Variants in FCHSD2 observed in about 807,000 individuals in gnomAD.
FCHSD2 encodes the protein FCH and double SH3 domains 2, also known as F-BAR and double SH3 domains protein 2.
Under a neutral mutation model 108.1 loss-of-function variants are expected in FCHSD2, and 38 were observed. The observed-to-expected ratio is 0.35, with a 90% CI of 0.27 to 0.46. The LOEUF (loss-of-function observed/expected upper bound fraction) is 0.46, where lower values mean the gene tolerates loss of function less well. FCHSD2 is among the 20% of genes least tolerant of loss of function. The pLI is 1.00. For synonymous variants in FCHSD2, 279 were observed against 314.7 expected, an observed-to-expected ratio of 0.89 and a Z score of 1.20; for missense variants, 751 against 897.8, an observed-to-expected ratio of 0.84 and a Z score of 2.09.
At position 72,836,904 on chromosome 11, in the gene FCHSD2, A is replaced by T. The variant is rs1344651320; in HGVS notation, c.*1887T>A. The T allele has an allele frequency of 1.3e-5, 2 of 152,572 alleles. No homozygotes were observed. Among genetic ancestry groups the T allele is most frequent in the Non-Finnish European group, 2.9e-5 (2 of 68,018 alleles). The allele number at this position is 152,572 out of a possible 1,614,324, so 9.5% of individuals were successfully genotyped here. A position where few individuals can be genotyped will look rare whatever the true frequency, so the allele number is the denominator to read the frequency against. On this transcript the variant is annotated 3_prime_UTR_variant, in exon 20 of 20. Transcript: ENST00000409418. ...ATCCTGGATGGAGGGGTTATTTTTT[A>T]AAAAGGAGGCATGTTTTCACAACTT... is the stretch of plus-strand genomic sequence containing the variant.
chr11:72,892,806 A>C (rs1565309280), intron 10 of FCHSD2, among the ~76,000 whole-genome samples: 1 of 151,732 alleles, frequency 6.6e-6, no homozygotes. Context: ...GGGTTTCACC[A>C]TGTTGGCCAG....
chr11:72,917,968 T>C (rs1046748954), intron 9 of FCHSD2, among the ~76,000 whole-genome samples: 7 of 152,152 alleles, frequency 4.6e-5, no homozygotes, highest in African/African-American at 9.7e-5. Context: ...AGGGACTACA[T>C]TGAATCTGTA....
chr11:72,909,990 C>T (rs755443552), intron 9 of FCHSD2, among the ~76,000 whole-genome samples: 3 of 144,606 alleles, frequency 2.1e-5, no homozygotes, highest in Non-Finnish European at 3.0e-5. Flanking sequence ...GCACCTCTGC[C>T]CGGCCGCCCC....
intron 8 of FCHSD2, among the ~76,000 whole-genome samples, chr11:72,943,559 G>T (rs535979353): frequency 6.6e-6 from 1 of 152,202 alleles, no homozygotes; most frequent in Non-Finnish European, 1.5e-5. Context: ...AAATTGAAGA[G>T]AATGACAGGT....
At chr11:73,061,071 C>A in intron 3 of FCHSD2, among the ~76,000 whole-genome samples, 1 of 152,226 alleles carries the variant, frequency 6.6e-6, no homozygotes, top group East Asian at 1.9e-4. Flanking sequence ...GCAAGATCCT[C>A]GCAGAAGGCA....
At chr11:72,862,859 C>T (rs542302276) in intron 13 of FCHSD2, among the ~76,000 whole-genome samples, 11 of 152,216 alleles carry the variant, frequency 7.2e-5, no homozygotes, top group East Asian at 1.9e-4. Flanking sequence ...AGTGCAATAC[C>T]GGCATCAAGC....
chr11:73,115,830 T>C (rs1269885179), intron 2 of FCHSD2, among the ~76,000 whole-genome samples: 1 of 152,202 alleles, frequency 6.6e-6, no homozygotes, highest in Non-Finnish European at 1.5e-5. Context: ...CATATCCACA[T>C]TATTGAGGGT....
rs550767576 is a variant in FCHSD2 at position 73,082,332 on chromosome 11, T to TC, written c.165+1362dup. Among the ~76,000 whole-genome samples the TC allele has an allele frequency of 1.3e-3, 34 of 26,318 alleles. 1 individual carries two copies. Among genetic ancestry groups the TC allele is most frequent in the African/African-American group, 3.6e-3 (29 of 8,010 alleles). The allele number at this position is 26,318 out of a possible 152,430, so 17.3% of individuals were successfully genotyped here. ...AGCCTGGATCACAGAGTGAGACTTG[T>TC]CCCAAAAAAAAAAAAAAAAAAAAAA... On this transcript the variant is annotated intron_variant, in intron 3 of 19. Transcript: ENST00000409418.
intron 3 of FCHSD2, among the ~76,000 whole-genome samples, chr11:73,079,786 G>A (rs1728606246): frequency 6.6e-6 from 1 of 151,952 alleles, no homozygotes; most frequent in African/African-American, 2.4e-5. Context: ...CATCTAAAGG[G>A]CAAATGTGAT....
intron 3 of FCHSD2, among the ~76,000 whole-genome samples, chr11:73,027,979 T>G (rs549115079): frequency 6.6e-6 from 1 of 152,228 alleles, no homozygotes; most frequent in Non-Finnish European, 1.5e-5. Context: ...TTTCAGAGAA[T>G]GTATGGAAAC....
rs546547862 is a variant in FCHSD2, at chr11:73,074,842, T to G, written c.165+8853A>C. 2.0e-5 allele frequency among the ~76,000 whole-genome samples: 3 copies of G among 151,806 alleles called. No homozygotes were observed. In the South Asian group the frequency reaches 6.3e-4, roughly 32 times the overall value. ...TAGGAGGATCACTTGAGCTCAGGAG[T>G]TCGAGGCTGTAGTGAACTAGGATCA... On this transcript the variant is annotated intron_variant, in intron 3 of 19. Coordinates refer to ENST00000409418, the MANE Select transcript of FCHSD2 (RefSeq NM_014824.3).
chr11:73,003,944 T>A, intron 4 of FCHSD2, among the ~76,000 whole-genome samples: 1 of 150,892 alleles, frequency 6.6e-6, no homozygotes, highest in East Asian at 2.0e-4. Flanking sequence ...CCGTCTCTAC[T>A]GAAAATACAA....
chr11:72,840,737 C>T (rs1860899598), intron 19 of FCHSD2, 140 bp downstream of exon 19: 7 of 596,798 alleles, frequency 1.2e-5, no homozygotes, highest in Admixed American at 2.8e-5. Context: ...TTTTCAATAG[C>T]TCTTTTTACC....
intron 3 of FCHSD2, among the ~76,000 whole-genome samples, chr11:73,038,645 T>C (rs1410683817): frequency 2.0e-5 from 3 of 152,098 alleles, no homozygotes; most frequent in African/African-American, 2.4e-5. Flanking sequence ...GAGCTAAACA[T>C]TGAATACAAA....
intron 13 of FCHSD2, among the ~76,000 whole-genome samples, chr11:72,863,846 G>A (rs1311463075): frequency 6.6e-6 from 1 of 152,198 alleles, no homozygotes; most frequent in Non-Finnish European, 1.5e-5. Flanking sequence ...TACTGATAAG[G>A]TTGTGGAACA....
At chr11:73,133,365 A>G (rs988485472) in intron 2 of FCHSD2, among the ~76,000 whole-genome samples, 4 of 152,198 alleles carry the variant, frequency 2.6e-5, no homozygotes, top group South Asian at 2.1e-4. Context: ...GAAACAACCC[A>G]TATCTCTGTC....
Position 72,942,394 on chromosome 11 carries a change from C to G in FCHSD2, c.706-20444G>C, listed in dbSNP as rs1039910476. ...AACCTCTTTTCTTTATATTACCCAG[C>G]CTTGTGTATTTCTTTAAACCAATGT... On this transcript the variant is annotated intron_variant, in intron 8 of 19. Transcript: ENST00000409418. Among the ~76,000 whole-genome samples the G allele has an allele frequency of 3.9e-5, 6 of 152,186 alleles. 1 individual carries two copies. Among genetic ancestry groups the G allele is most frequent in the Admixed American group, 3.9e-4 (6 of 15,280 alleles).
chr11:72,902,163 C>T (rs989724352), intron 10 of FCHSD2, among the ~76,000 whole-genome samples: 1 of 152,152 alleles, frequency 6.6e-6, no homozygotes, highest in South Asian at 2.1e-4. Context: ...GCGTGAGCCA[C>T]AGCGCACGGC....
chr11:72,912,650 G>T (rs1855787182), intron 9 of FCHSD2, among the ~76,000 whole-genome samples: 1 of 152,122 alleles, frequency 6.6e-6, no homozygotes, highest in Non-Finnish European at 1.5e-5. Context: ...AATGAGATGG[G>T]AAGTATTCCC....
Sources: allele counts gnomAD v4.1 joint callset (sites outside exome capture counted in the v4.1 genomes callset), GRCh38; gene constraint gnomAD v4.1.1; transcripts MANE v1.5; gene names NCBI Gene and HGNC (gene_info 2026-07-23, HGNC 2026-07-21).